The following HS3ST4 variants were observed in gnomAD, a reference collection of about 807,000 sequenced individuals.
HS3ST4 encodes heparan sulfate glucosamine 3-O-sulfotransferase 4.
A neutral mutation model predicts 29.2 loss-of-function variants in HS3ST4; 17 were observed. The ratio of observed to expected loss-of-function variants is 0.58; its 90% CI spans 0.40 to 0.87. The LOEUF (loss-of-function observed/expected upper bound fraction) is 0.87, where lower values mean the gene tolerates loss of function less well. Ranked by LOEUF, HS3ST4 falls within the 40% of genes least tolerant of loss-of-function variation. The probability of loss-of-function intolerance (pLI) is 0.00; values close to 1 mark genes in which losing one functional copy is unlikely to be tolerated. For synonymous variants in HS3ST4, 314 were observed against 285.7 expected, an observed-to-expected ratio of 1.10 and a Z score of -1.00; for missense variants, 627 against 634.5, an observed-to-expected ratio of 0.99 and a Z score of 0.13.
chr16:25,909,667 C>T (rs769336538), intron 1 of HS3ST4, among the ~76,000 whole-genome samples: 4 of 152,130 alleles, frequency 2.6e-5, no homozygotes, highest in Non-Finnish European at 5.9e-5. Flanking sequence ...TGAGATCCAG[C>T]GGGTTTCTAC....
intron 1 of HS3ST4, among the ~76,000 whole-genome samples, chr16:25,904,160 A>T (rs943786549): frequency 5.7e-5 from 5 of 88,176 alleles, no homozygotes; most frequent in Admixed American, 3.7e-4. Flanking sequence ...GGATGAATGG[A>T]TGAATGGATG....
At chr16:26,097,188 C>G (rs899929690) in intron 1 of HS3ST4, among the ~76,000 whole-genome samples, 14 of 152,140 alleles carry the variant, frequency 9.2e-5, no homozygotes, top group African/African-American at 3.4e-4. Context: ...AGTGCCATCC[C>G]CATCAAGCTA....
In HS3ST4 at chr16:26,090,764, G is replaced by A. The variant is rs78160314; in HGVS notation, c.735-44848G>A. Among the ~76,000 whole-genome samples the A allele has an allele frequency of 9.0e-3, 1,365 of 152,272 alleles. 12 individuals carry two copies. The highest frequency in any genetic ancestry group is 0.014 in the Non-Finnish European group (954 of 68,034). On this transcript the variant is annotated intron_variant, in intron 1 of 1. Transcript: ENST00000331351. The stretch of plus-strand genomic sequence containing the variant: ...CAACAAAGAAAATTGGTAAAACTGA[G>A]TTATGGAAAGAGATGGCACGATGCC...
intron 1 of HS3ST4, among the ~76,000 whole-genome samples, chr16:25,899,273 C>A (rs1308290075): frequency 3.3e-5 from 5 of 152,160 alleles, no homozygotes; most frequent in Non-Finnish European, 7.3e-5. Context: ...TATAAATGTT[C>A]CCCCCATATC....
chr16:25,897,812 G>T (rs1053074404), intron 1 of HS3ST4, among the ~76,000 whole-genome samples: 1 of 152,076 alleles, frequency 6.6e-6, no homozygotes, highest in Non-Finnish European at 1.5e-5. Flanking sequence ...TTAGAGCAAG[G>T]TTTCAAATCT....
At chr16:25,810,098 AT>A (rs1967027788) in intron 1 of HS3ST4, among the ~76,000 whole-genome samples, 1 of 152,144 alleles carries the variant, frequency 6.6e-6, no homozygotes, top group Non-Finnish European at 1.5e-5. Flanking sequence ...TAAAGTAAGA[AT>A]TTAGTGCTGT....
intron 1 of HS3ST4, among the ~76,000 whole-genome samples, chr16:25,973,680 C>T (rs1596631833): frequency 6.6e-6 from 1 of 152,172 alleles, no homozygotes; most frequent in Admixed American, 6.5e-5. Flanking sequence ...TTTTTTCCGA[C>T]CTTGAATACT....
chr16:25,965,905 C>T (rs4073722), intron 1 of HS3ST4, among the ~76,000 whole-genome samples: 12,458 of 152,172 alleles, frequency 0.082, 621 homozygotes, highest in African/African-American at 0.1. Flanking sequence ...TCTCGAACTC[C>T]GTTGCTCAAG....
At chr16:26,096,362 C>T (rs7500314) in intron 1 of HS3ST4, among the ~76,000 whole-genome samples, 82,121 of 151,940 alleles carry the variant, frequency 0.54, 22,936 homozygotes, top group African/African-American at 0.68. Context: ...ACTGGCAAAC[C>T]GAATCCAGCA....
intron 1 of HS3ST4, among the ~76,000 whole-genome samples, chr16:25,870,698 A>G (rs996579235): frequency 3.3e-5 from 5 of 152,174 alleles, no homozygotes; most frequent in Admixed American, 1.3e-4. Context: ...ACTTGGTTTT[A>G]ATAGGATCGC....
chr16:26,017,199 T>A (rs778708060), intron 1 of HS3ST4, among the ~76,000 whole-genome samples: 17 of 152,228 alleles, frequency 1.1e-4, no homozygotes, highest in Non-Finnish European at 2.4e-4. Context: ...GGTGATTTTA[T>A]AACAAAATCC....
intron 1 of HS3ST4, among the ~76,000 whole-genome samples, chr16:26,037,876 A>G (rs890044228): frequency 1.3e-5 from 2 of 152,112 alleles, no homozygotes; most frequent in Non-Finnish European, 2.9e-5. Context: ...CATGTGTTCA[A>G]TTGCCCCAGT....
intron 1 of HS3ST4, among the ~76,000 whole-genome samples, chr16:25,904,223 GATGGATGA>G (rs1453677411): frequency 5.3e-5 from 8 of 152,202 alleles, no homozygotes; most frequent in Admixed American, 3.3e-4. Flanking sequence ...TGGACGGATG[GATGGATGA>G]ATGGATGAAT....
intron 1 of HS3ST4, among the ~76,000 whole-genome samples, chr16:26,130,508 C>T (rs1899403138): frequency 6.6e-6 from 1 of 152,060 alleles, no homozygotes; most frequent in Non-Finnish European, 1.5e-5. Context: ...GCTGGGGATA[C>T]AAAGGTGATT....
chr16:25,903,367 A>T (rs202145827), intron 1 of HS3ST4, among the ~76,000 whole-genome samples: 2 of 59,318 alleles, frequency 3.4e-5, no homozygotes, highest in African/African-American at 9.1e-5. Context: ...TGTATATCTT[A>T]TATATATATA....
intron 1 of HS3ST4, among the ~76,000 whole-genome samples, chr16:26,006,025 A>G (rs1202977954): frequency 6.6e-6 from 1 of 152,138 alleles, no homozygotes; most frequent in East Asian, 1.9e-4. Flanking sequence ...GTGGCCGGGC[A>G]TGGTGGCTCA....
At chr16:26,109,372 G>C (rs893905969) in intron 1 of HS3ST4, among the ~76,000 whole-genome samples, 8 of 152,176 alleles carry the variant, frequency 5.3e-5, no homozygotes, top group Non-Finnish European at 7.3e-5. Flanking sequence ...ATTACAGGCA[G>C]TTGAGGTTTG....
chr16:26,083,952 A>G (rs1396226500), intron 1 of HS3ST4, among the ~76,000 whole-genome samples: 1 of 152,214 alleles, frequency 6.6e-6, no homozygotes, highest in Non-Finnish European at 1.5e-5. Flanking sequence ...AGAGAAAATT[A>G]TAGAATTACA....
At chr16:25,883,227 C>T (rs1967912920) in intron 1 of HS3ST4, among the ~76,000 whole-genome samples, 1 of 149,610 alleles carries the variant, frequency 6.7e-6, no homozygotes, top group South Asian at 2.1e-4. Context: ...TATTAGTTAG[C>T]CTAGGATTTT....
Sources: gnomAD v4.1 joint callset for allele counts (sites outside exome capture counted in the v4.1 genomes callset) on GRCh38, gnomAD v4.1.1 for gene constraint, MANE v1.5 for transcripts, NCBI Gene and HGNC (gene_info 2026-07-23, HGNC 2026-07-21) for gene names.